DLC1: variants seen among roughly 807,000 people sequenced by gnomAD.
DLC1 encodes rho GTPase-activating protein 7.
A neutral mutation model predicts 140.3 loss-of-function variants in DLC1; 54 were observed. The ratio of observed to expected loss-of-function variants is 0.38; its 90% CI spans 0.31 to 0.48. DLC1 has a LOEUF of 0.48. DLC1 is among the 20% of genes least tolerant of loss of function. The pLI is 0.96. For synonymous variants in DLC1, 986 were observed against 728.1 expected (o/e 1.35, Z -5.70); for missense variants, 2,536 against 1,907.0 (o/e 1.33, Z -6.14).
intron 4 of DLC1, among the ~76,000 whole-genome samples, chr8:13,383,989 A>G (rs183295480): frequency 1.2e-3 from 176 of 152,250 alleles, no homozygotes; most frequent in African/African-American, 4.2e-3. Flanking sequence ...CTCTTAATTT[A>G]ATGGCTTAAA....
chr8:13,555,047 C>G (rs1295387878), intron 1 of DLC1, among the ~76,000 whole-genome samples: 2 of 152,212 alleles, frequency 1.3e-5, no homozygotes, highest in Non-Finnish European at 2.9e-5. Flanking sequence ...ACTTGCTCTT[C>G]TCATTGGCTG....
At chr8:13,374,016 G>A (rs1045952684) in intron 4 of DLC1, among the ~76,000 whole-genome samples, 12 of 152,134 alleles carry the variant, frequency 7.9e-5, no homozygotes, top group African/African-American at 2.4e-4. Context: ...CTTTAATAAA[G>A]CAGAAAAAGT....
intron 5 of DLC1, among the ~76,000 whole-genome samples, chr8:13,164,314 A>ATATCTATC (rs531754750): frequency 0.015 from 2,173 of 148,782 alleles, 46 homozygotes; most frequent in African/African-American, 0.049. Context: ...AAAAATCTCT[A>ATATCTATC]TATCTATCTA....
At chr8:13,266,002 G>A (rs1003667602) in intron 5 of DLC1, among the ~76,000 whole-genome samples, 3 of 152,090 alleles carry the variant, frequency 2.0e-5, no homozygotes, top group Admixed American at 1.3e-4. Flanking sequence ...ATGATTATGC[G>A]GAGCCAAAGA....
chr8:13,207,169 C>T (rs1347561176), intron 5 of DLC1, among the ~76,000 whole-genome samples: 1 of 152,090 alleles, frequency 6.6e-6, no homozygotes, highest in Non-Finnish European at 1.5e-5. Context: ...ATACAGTTTT[C>T]CAATCAATTA....
At chr8:13,320,410 C>A (rs1376380729) in intron 4 of DLC1, among the ~76,000 whole-genome samples, 2 of 152,164 alleles carry the variant, frequency 1.3e-5, no homozygotes, top group African/African-American at 4.8e-5. Context: ...AATTATCTAT[C>A]TTTTGGAATT....
chr8:13,453,173 T>C (rs1248120854), intron 2 of DLC1, among the ~76,000 whole-genome samples: 1 of 149,632 alleles, frequency 6.7e-6, no homozygotes, highest in Non-Finnish European at 1.5e-5. Flanking sequence ...ATATAATTAT[T>C]CTAAAAAATT....
chr8:13,453,709 T>C (rs1799262822), intron 2 of DLC1, among the ~76,000 whole-genome samples: 1 of 150,842 alleles, frequency 6.6e-6, no homozygotes, highest in African/African-American at 2.4e-5. Flanking sequence ...GGCTAGGTTT[T>C]CTTTTATTCA....
intron 5 of DLC1, among the ~76,000 whole-genome samples, chr8:13,224,595 G>A (rs532316204): frequency 6.6e-6 from 1 of 152,184 alleles, no homozygotes; most frequent in African/African-American, 2.4e-5. Context: ...GTGGTCAAAG[G>A]TTAAAGGTGA....
intron 5 of DLC1, among the ~76,000 whole-genome samples, chr8:13,262,113 G>T (rs1455068838): frequency 1.3e-5 from 2 of 152,128 alleles, no homozygotes; most frequent in East Asian, 3.9e-4. Context: ...GGGACAGTGT[G>T]AGTTCTAAAT....
intron 5 of DLC1, among the ~76,000 whole-genome samples, chr8:13,204,877 TA>T (rs1827577357): frequency 6.6e-6 from 1 of 152,182 alleles, no homozygotes; most frequent in South Asian, 2.1e-4. Context: ...CCTTTACATA[TA>T]ACTAAGTGGA....
At position 13,494,883 on chromosome 8, in the gene DLC1, G is replaced by C. The variant is rs147747296; in HGVS notation, c.1023+4166C>G. ...GGAGAATTGTTTGAACCCAGGAGGC[G>C]GAAGTTGCAATGGGCGGAGATCACA... is the stretch of plus-strand genomic sequence containing the variant. On this transcript the variant is annotated intron_variant, in intron 2 of 17. Transcript: ENST00000276297. Among the ~76,000 whole-genome samples, 51 of 152,182 alleles carry C rather than the reference G, an allele frequency of 3.4e-4. No homozygotes were observed. The East Asian group carries it at 8.0e-3, about 24-fold the overall frequency.
rs147482264 is a variant in DLC1 at position 13,595,001 on chromosome 8, ACTT to A, written c.-126+9533_-126+9535del. ...TGAATTTCTATATATTTCTGTATAG[ACTT>A]CTTCAATTGTTGTGAGAAAAAAAAA... On this transcript the variant is annotated intron_variant, in intron 1 of 1. Coordinates refer to the DLC1 transcript ENST00000631382. Among the ~76,000 whole-genome samples the A allele has an allele frequency of 4.7e-3, 707 of 151,962 alleles. 6 individuals are homozygous for A. Among genetic ancestry groups the A allele is most frequent in the African/African-American group, 0.017 (685 of 41,460 alleles).
chr8:13,329,638 A>G (rs909776796), intron 4 of DLC1, among the ~76,000 whole-genome samples: 2 of 152,190 alleles, frequency 1.3e-5, no homozygotes, highest in African/African-American at 4.8e-5. Context: ...CATCTGTTCT[A>G]TGATTAGGAA....
At chr8:13,236,320 C>G (rs1829279621) in intron 5 of DLC1, among the ~76,000 whole-genome samples, 1 of 151,990 alleles carries the variant, frequency 6.6e-6, no homozygotes, top group East Asian at 1.9e-4. Flanking sequence ...TTTTAACAAT[C>G]TTAGTTCAAG....
chr8:13,560,754 G>T (rs1368875039), intron 1 of DLC1, among the ~76,000 whole-genome samples: 1 of 152,018 alleles, frequency 6.6e-6, no homozygotes, highest in Non-Finnish European at 1.5e-5. Context: ...ATCTAATATG[G>T]CTAGTGTCCC....
chr8:13,386,017 T>C (rs1456684619), intron 4 of DLC1, among the ~76,000 whole-genome samples: 1 of 152,220 alleles, frequency 6.6e-6, no homozygotes, highest in Non-Finnish European at 1.5e-5. Flanking sequence ...GTTGCTATGA[T>C]GTGGCATGCT....
At chr8:13,369,162 G>T (rs916621716) in intron 4 of DLC1, among the ~76,000 whole-genome samples, 1 of 152,018 alleles carries the variant, frequency 6.6e-6, no homozygotes, top group Non-Finnish European at 1.5e-5. Context: ...TGTCCATCCT[G>T]CATCCTCAAT....
At chr8:13,574,949 A>G (rs1804784748) in intron 1 of DLC1, among the ~76,000 whole-genome samples, 2 of 152,242 alleles carry the variant, frequency 1.3e-5, no homozygotes, top group Admixed American at 1.3e-4. Context: ...GAAAAGAAGT[A>G]GGGATTGGGA....
Sources: gnomAD v4.1 joint callset for allele counts (sites outside exome capture counted in the v4.1 genomes callset) on GRCh38, gnomAD v4.1.1 for gene constraint, MANE v1.5 for transcripts, NCBI Gene and HGNC (gene_info 2026-07-23, HGNC 2026-07-21) for gene names.